Variants in PIGR observed in about 807,000 individuals in gnomAD.
PIGR encodes the protein polymeric immunoglobulin receptor.
Under a neutral mutation model 69.5 loss-of-function variants are expected in PIGR, and 22 were observed. The ratio of observed to expected loss-of-function variants is 0.32; its 90% confidence interval spans 0.23 to 0.45. The LOEUF is 0.45. Among genes scored for constraint, PIGR ranks in the 20% least tolerant of loss-of-function variants. The pLI is 1.00. For synonymous variants in PIGR, 413 were observed against 407.6 expected, an observed-to-expected ratio of 1.01 and a Z score of -0.16; for missense variants, 885 against 974.0, an observed-to-expected ratio of 0.91 and a Z score of 1.22.
In PIGR at chr1:206,935,534, T is replaced by C. The variant is rs1383126528; in HGVS notation, c.1330A>G (p.Asn444Asp). ...RDAGFYWCLT[N>D]GDTLWRTTVE... ...GTGGTCCTCCAGAGAGTATCGCCGT[T>C]GGTCAGACACCAGTAGAAGCCGGCG... Residue 444 changes from asparagine to aspartate, a missense_variant, in exon 5 of 11, where the codon AAC becomes GAC. Coordinates refer to ENST00000356495, the MANE Select transcript of PIGR (RefSeq NM_002644.4). This position sits in a 1 kb window ranked among gnomAD's most constrained non-coding sequence, Gnocchi z 4.4. The C allele has an allele frequency of 1.2e-6, 2 of 1,614,126 alleles. No homozygotes were observed. The highest frequency in any genetic ancestry group is 4.5e-5 in the East Asian group (2 of 44,878).
intron 5 of PIGR, 31 bp from the exon 6 acceptor site, chr1:206,934,777 C>G (rs1473449000): frequency 6.5e-7 from 1 of 1,542,320 alleles, no homozygotes; most frequent in Non-Finnish European, 8.8e-7. Flanking sequence ...GAAATAAACA[C>G]AGAAGTTGGT....
At position 206,939,313 on chromosome 1, in the gene PIGR, A is replaced by T. The variant is rs1376002846; in HGVS notation, c.194T>A (p.Ile65Lys). The stretch of plus-strand genomic sequence containing the variant: ...GTAGCCCTCCGAGGAGATGAGGGTT[A>T]TGCAGCCACCTCTAGCTCCCTGCCG... ...WCRQGARGGC[I>K]TLISSEGYVS... The change falls in exon 3 of 11, where the codon ATA becomes AAA. Residue 65 changes from isoleucine to lysine, a missense_variant. Physicochemically the swap from Ile to Lys is moderately radical, Grantham distance 102. Coordinates refer to ENST00000356495, the MANE Select transcript of PIGR (RefSeq NM_002644.4). 1 of 1,614,244 alleles carries T rather than the reference A, an allele frequency of 6.2e-7. No homozygotes were observed. Among genetic ancestry groups the T allele is most frequent in the Admixed American group, 1.7e-5 (1 of 60,030 alleles).
rs1272226236 is a variant in PIGR at position 206,930,239 on chromosome 1, C to T, written c.*79G>A. ...AGGTGTTAGAGCAGGGAGTGGGGTCCCCAGGAGCTGAGGGCCCCAGGATCG... is the reference window on the plus strand; with the variant it reads ...AGGTGTTAGAGCAGGGAGTGGGGTCTCCAGGAGCTGAGGGCCCCAGGATCG... On this transcript the variant is annotated 3_prime_UTR_variant, in exon 11 of 11. Transcript: ENST00000356495. The surrounding 1 kb of genome is among the most constrained non-coding windows in gnomAD (Gnocchi z 4.3). The T allele has an allele frequency of 4.6e-6, 6 of 1,310,512 alleles. No homozygotes were observed. The highest frequency in any genetic ancestry group is 2.9e-5 in the South Asian group (2 of 69,416). 81.2% of individuals were successfully genotyped at this position (1,310,512 alleles called of 1,614,324 possible).
At chr1:206,941,493 C>T (rs369299932) in intron 1 of PIGR, among the ~76,000 whole-genome samples, 18 of 152,280 alleles carry the variant, frequency 1.2e-4, no homozygotes, top group South Asian at 4.1e-4. Flanking sequence ...ATAAGACAGA[C>T]GGGTATAATC....
rs1272967241 is a variant in PIGR, at chr1:206,929,372, C to G, written c.*946G>C. The G allele has an allele frequency of 6.6e-6, 1 of 152,038 alleles. No homozygotes were observed. The highest frequency in any genetic ancestry group is 1.5e-5 in the Non-Finnish European group (1 of 68,030). 9.4% of individuals were successfully genotyped at this position (152,038 alleles called of 1,614,324 possible). On this transcript the variant is annotated 3_prime_UTR_variant, in exon 11 of 11. Transcript: ENST00000356495. The stretch of plus-strand genomic sequence containing the variant: ...ACCATCCTGGCTAACACGGTGAAAC[C>G]CTGTCTCTACTAAAAATACAAAAAA...
At position 206,930,339 on chromosome 1, in the gene PIGR, C is replaced by G; in HGVS notation, c.2274G>C (p.Gln758His). The G allele has an allele frequency of 1.2e-6, 2 of 1,611,692 alleles. No individual in the cohort carries two copies. Among genetic ancestry groups the G allele is most frequent in the Non-Finnish European group, 1.7e-6 (2 of 1,178,780 alleles). The stretch of plus-strand genomic sequence containing the variant: ...CCGTCTAGGCTTCCTGGGGGCCGTC[C>G]TGGGCCTCGGCGGCCACGGTGCTGG... ...LQSSTVAAEA[Q>H]DGPQEA Residue 758 changes from glutamine to histidine, a missense_variant, in exon 11 of 11, where the codon CAG becomes CAC. By Grantham distance (24) the Gln-to-His change is conservative. Coordinates refer to ENST00000356495, the MANE Select transcript of PIGR (RefSeq NM_002644.4). The surrounding 1 kb of genome is among the most constrained non-coding windows in gnomAD (Gnocchi z 4.3).
intron 1 of PIGR, among the ~76,000 whole-genome samples, chr1:206,943,258 C>T (rs570310858): frequency 2.6e-5 from 4 of 152,190 alleles, no homozygotes; most frequent in Non-Finnish European, 5.9e-5. Context: ...CCTCATGACA[C>T]AGGTTGGAAA....
In PIGR at chr1:206,929,991, C is replaced by A. The variant is rs987001851; in HGVS notation, c.*327G>T. On this transcript the variant is annotated 3_prime_UTR_variant, in exon 11 of 11. Transcript: ENST00000356495. ...AAGGGTGCAGAGGGGCGCTGCACGT[C>A]TCTCCTTTCTGCAATCAGCTCTCCC... 6 of 279,572 alleles carry A rather than the reference C, an allele frequency of 2.1e-5. No homozygotes were observed. The highest frequency in any genetic ancestry group is 4.0e-5 in the Non-Finnish European group (6 of 151,006). The allele number at this position is 279,572 out of a possible 1,614,324, so 17.3% of individuals were successfully genotyped here. A position where few individuals can be genotyped will look rare whatever the true frequency, so the allele number is the denominator to read the frequency against.
intron 10 of PIGR, 49 bp downstream of exon 10, chr1:206,931,448 C>T: frequency 6.2e-7 from 1 of 1,613,960 alleles, no homozygotes; most frequent in East Asian, 2.2e-5. Context: ...TGCATCCCCT[C>T]ATGCTGCATT....
chr1:206,939,812 C>T (rs1399243935), intron 2 of PIGR, among the ~76,000 whole-genome samples: 3 of 152,108 alleles, frequency 2.0e-5, no homozygotes, highest in Non-Finnish European at 4.4e-5. Context: ...CTGCAACCTC[C>T]GCTTCCCAGG....
rs751195471 is a variant in PIGR, at chr1:206,935,601, G to A, written c.1263C>T (p.Asn421=). The A allele has an allele frequency of 1.4e-5, 22 of 1,614,078 alleles. No homozygotes were observed. The highest frequency in any genetic ancestry group is 1.6e-4 in the Middle Eastern group (1 of 6,084). ...GRLSLLEEPG[N]GTFTVILNQL... Reference sequence around the variant, plus strand: ...GGTTGAGGATGACAGTGAAGGTGCCGTTGCCTGGCTCCTCCAGCAGGGAGA... The same window carrying A: ...GGTTGAGGATGACAGTGAAGGTGCCATTGCCTGGCTCCTCCAGCAGGGAGA... The change falls in exon 5 of 11, where the codon AAC becomes AAT. Residue 421 remains asparagine (N), a synonymous_variant. Coordinates refer to ENST00000356495, the MANE Select transcript of PIGR (RefSeq NM_002644.4). The surrounding 1 kb of genome is among the most constrained non-coding windows in gnomAD (Gnocchi z 4.4).
Position 206,940,488 on chromosome 1 carries a change from C to A in PIGR, c.43+1G>T. ...GGAGAGTTGGGGCCTGGCAGACACA[C>A]CTGGGAAGACCGCCAGCAGGCAGGT... On this transcript the variant is annotated splice_donor_variant, in intron 2 of 10. Transcript: ENST00000356495. LOFTEE classifies it high-confidence loss of function. The A allele has an allele frequency of 6.4e-7, 1 of 1,551,482 alleles. No individual in the cohort carries two copies. The highest frequency in any genetic ancestry group is 8.7e-7 in the Non-Finnish European group (1 of 1,146,942).
At chr1:206,940,438 C>T (rs146611183) in intron 2 of PIGR, 51 bp downstream of exon 2, 11 of 1,528,466 alleles carry the variant, frequency 7.2e-6, no homozygotes, top group African/African-American at 2.8e-5. Flanking sequence ...ACCCTGGAGT[C>T]GGGCAGGCTG....
chr1:206,933,156 A>G lies in PIGR; in HGVS notation c.1716T>C (p.Asp572=). The G allele has an allele frequency of 1.2e-6, 2 of 1,614,120 alleles. No individual in the cohort carries two copies. The highest frequency in any genetic ancestry group is 1.1e-5 in the South Asian group (1 of 91,072). ...VEERKAAGSR[D]VSLAKADAAP... ...CAGCGTCTGCCTTCGCTAGGCTGAC[A>G]TCGCGGGACCCTGCAGCAGGGAAGA... The change falls in exon 7 of 11, where the codon GAT becomes GAC. Residue 572 remains aspartate, a synonymous_variant. Transcript: ENST00000356495.
At chr1:206,931,408 A>T in intron 10 of PIGR, 89 bp downstream of exon 10, 2 of 1,612,130 alleles carry the variant, frequency 1.2e-6, no homozygotes, top group South Asian at 2.2e-5. Flanking sequence ...ATCGGCCCCC[A>T]TGTTGAGGTA....
chr1:206,934,724 T>C lies in PIGR; in HGVS notation c.1401A>G (p.Pro467=). The C allele has an allele frequency of 1.9e-6, 3 of 1,608,100 alleles. No individual in the cohort carries two copies. The highest frequency in any genetic ancestry group is 2.2e-5 in the South Asian group (2 of 91,080). ...CTCCCAGCACAGCCGTGACATTCCC[T>C]GGTACCTTGAGGTTTGGTTCTCCTG... The part of the protein sequence containing the change: ...IIEGEPNLKV[P]GNVTAVLGET... Residue 467 remains proline, a synonymous_variant, in exon 6 of 11, where the codon CCA becomes CCG. Coordinates refer to ENST00000356495, the MANE Select transcript of PIGR (RefSeq NM_002644.4).
At chr1:206,943,466 G>T (rs986280154) in intron 1 of PIGR, among the ~76,000 whole-genome samples, 2 of 152,198 alleles carry the variant, frequency 1.3e-5, no homozygotes, top group African/African-American at 4.8e-5. Context: ...AGGCTAGGAT[G>T]TGCTAGATCA....
In PIGR at chr1:206,935,749, G is replaced by C. The variant is rs1400224713; in HGVS notation, c.1115C>G (p.Pro372Arg). The C allele has an allele frequency of 3.1e-6, 5 of 1,613,840 alleles. No individual in the cohort carries two copies. Among genetic ancestry groups the C allele is most frequent in the South Asian group, 2.2e-5 (2 of 91,076 alleles). Residue 372 changes from proline (P) to arginine (R), a missense_variant, in exon 5 of 11, where the codon CCC becomes CGC. Pro to Arg is a moderately radical substitution (Grantham distance 103, BLOSUM62 -2). Transcript: ENST00000356495. The surrounding 1 kb of genome is among the most constrained non-coding windows in gnomAD (Gnocchi z 4.4). ...GCTTTTGCTTTCCTTACGGTTGTAG[G>C]GGCAGAGCACGGCCACAGAGCCTCC... ...VAGGSVAVLC[P>R]YNRKESKSIK...
At chr1:206,932,623 G>A in intron 7 of PIGR, 46 bp from the exon 8 acceptor site, 2 of 1,565,086 alleles carry the variant, frequency 1.3e-6, no homozygotes, top group Non-Finnish European at 8.7e-7. Context: ...GGAGATCTGG[G>A]GGCCCGACGA....
Sources: gnomAD v4.1 joint callset for allele counts (sites outside exome capture counted in the v4.1 genomes callset) on GRCh38, gnomAD v4.1.1 for gene constraint, Gnocchi (gnomAD v3.1) non-coding constraint, MANE v1.5 for transcripts, NCBI Gene and HGNC (gene_info 2026-07-23, HGNC 2026-07-21) for gene names.